ADARB2: variants seen among roughly 807,000 people sequenced by gnomAD.
ADARB2 encodes the protein adenosine deaminase RNA specific B2 (inactive), also known as inactive double-stranded RNA-specific editase B2.
ADARB2 carries 25 observed loss-of-function variants against 62.2 expected under a neutral mutation model. The ratio of observed to expected loss-of-function variants is 0.40; its 90% CI spans 0.29 to 0.56. The LOEUF (loss-of-function observed/expected upper bound fraction) is 0.56. Among genes scored for constraint, ADARB2 ranks in the 20% least tolerant of loss-of-function variants. ADARB2 has a pLI of 0.43. For missense variants in ADARB2, 1,071 were observed against 1,077.4 expected (o/e 0.99, Z 0.08); for synonymous variants, 572 against 500.8 (o/e 1.14, Z -1.90).
chr10:1,484,645 A>G (rs1427059167), intron 1 of ADARB2, among the ~76,000 whole-genome samples: 1 of 152,194 alleles, frequency 6.6e-6, no homozygotes, highest in Non-Finnish European at 1.5e-5. Flanking sequence ...AGCTACACTC[A>G]TTGCCTTTCT....
intron 1 of ADARB2, among the ~76,000 whole-genome samples, chr10:1,677,947 A>T (rs1834487848): frequency 6.6e-6 from 1 of 152,184 alleles, no homozygotes; most frequent in Non-Finnish European, 1.5e-5. Context: ...ATGTCTTTTC[A>T]CAGATAGCAG....
intron 1 of ADARB2, among the ~76,000 whole-genome samples, chr10:1,688,344 G>A (rs1025637081): frequency 6.6e-6 from 1 of 152,330 alleles, no homozygotes; most frequent in South Asian, 2.1e-4. Flanking sequence ...GGACATCCTC[G>A]TTGCTGCCCT....
intron 4 of ADARB2, among the ~76,000 whole-genome samples, chr10:1,246,993 T>G (rs929614497): frequency 3.3e-4 from 51 of 152,256 alleles, no homozygotes; most frequent in African/African-American, 1.2e-3. Context: ...TTTGTTTGTA[T>G]CCTCCTTTAT....
intron 1 of ADARB2, among the ~76,000 whole-genome samples, chr10:1,725,239 G>A (rs1456883343): frequency 2.0e-5 from 3 of 152,110 alleles, no homozygotes; most frequent in Non-Finnish European, 4.4e-5. Context: ...TATTTTGCCT[G>A]GAATGTGAGT....
chr10:1,616,243 A>C (rs1833631240), intron 1 of ADARB2, among the ~76,000 whole-genome samples: 1 of 152,240 alleles, frequency 6.6e-6, no homozygotes, highest in Non-Finnish European at 1.5e-5. Context: ...GATTGAAATC[A>C]TCATTCAAAA....
At chr10:1,467,719 C>T (rs926374199) in intron 1 of ADARB2, among the ~76,000 whole-genome samples, 1 of 152,224 alleles carries the variant, frequency 6.6e-6, no homozygotes, top group African/African-American at 2.4e-5. Context: ...AGGGCCGGCA[C>T]ACCCTGCTCT....
At chr10:1,259,852 G>A (rs1831117168) in intron 4 of ADARB2, among the ~76,000 whole-genome samples, 1 of 152,166 alleles carries the variant, frequency 6.6e-6, no homozygotes, top group Admixed American at 6.5e-5. Context: ...AACAAAAAAA[G>A]AGAATTTTAG....
intron 1 of ADARB2, among the ~76,000 whole-genome samples, chr10:1,471,022 G>T (rs983068373): frequency 6.6e-6 from 1 of 152,142 alleles, no homozygotes; most frequent in African/African-American, 2.4e-5. Context: ...TGGCGCCACT[G>T]CACTCCAGCC....
intron 1 of ADARB2, chr10:1,675,139 T>A (rs1834449199): frequency 1.0e-6 from 1 of 981,756 alleles, no homozygotes. Flanking sequence ...GTTCTGGAGG[T>A]TTAGGTTCAG....
intron 1 of ADARB2, among the ~76,000 whole-genome samples, chr10:1,616,639 G>GTGCCCGTCC (rs1564348170): frequency 1.6e-5 from 2 of 121,388 alleles, no homozygotes; most frequent in African/African-American, 7.1e-5. Context: ...AGATGTTTGT[G>GTGCCCGTCC]TGCCCGTCCA....
chr10:1,354,890 G>A (rs1404075785), intron 3 of ADARB2, among the ~76,000 whole-genome samples: 8 of 152,222 alleles, frequency 5.3e-5, no homozygotes, highest in Non-Finnish European at 1.2e-4. Context: ...TGCTTACAGA[G>A]CCACCTTCCC....
intron 1 of ADARB2, among the ~76,000 whole-genome samples, chr10:1,629,915 G>GTGAGGAGGGGGGAGCC (rs1432448653): frequency 6.6e-6 from 1 of 152,064 alleles, no homozygotes; most frequent in African/African-American, 2.4e-5. Flanking sequence ...GGAAGGGAGC[G>GTGAGGAGGGGGGAGCC]TGAGGAGGGA....
At chr10:1,576,176 C>A in intron 1 of ADARB2, among the ~76,000 whole-genome samples, 1 of 143,902 alleles carries the variant, frequency 6.9e-6, no homozygotes, top group African/African-American at 2.6e-5. Context: ...GGTTCAGGGT[C>A]ACAGGACAGG....
intron 4 of ADARB2, among the ~76,000 whole-genome samples, chr10:1,267,117 C>A: frequency 6.7e-6 from 1 of 148,502 alleles, no homozygotes; most frequent in Non-Finnish European, 1.5e-5. Flanking sequence ...CACACCTAAA[C>A]ATATTCTTAA....
chr10:1,362,341 G>T (rs1338183482), intron 3 of ADARB2, among the ~76,000 whole-genome samples: 1 of 152,236 alleles, frequency 6.6e-6, no homozygotes, highest in Non-Finnish European at 1.5e-5. Flanking sequence ...TGCTTTTGTT[G>T]CTTCGTTCTT....
intron 1 of ADARB2, among the ~76,000 whole-genome samples, chr10:1,576,039 C>CCTATT (rs1564335471): frequency 4.0e-4 from 8 of 19,844 alleles, no homozygotes; most frequent in Admixed American, 6.2e-4. Flanking sequence ...GGCCACTCGG[C>CCTATT]GGGGGGGTCA....
rs1016973395 is a variant in ADARB2, at chr10:1,514,289, C to A, written c.101-135129G>T. ...GACTCCTGAATGTTCAGAAGGACGG[C>A]TCTGACGCTTTGGGACAGTAGTCGG... On this transcript the variant is annotated intron_variant, in intron 1 of 9. Coordinates refer to ENST00000381312, the MANE Select transcript of ADARB2 (RefSeq NM_018702.4). 5.3e-5 allele frequency among the ~76,000 whole-genome samples: 8 copies of A among 150,750 alleles called. No individual in the cohort carries two copies. The Admixed American group carries it at 5.3e-4, about 10-fold the overall frequency.
intron 1 of ADARB2, among the ~76,000 whole-genome samples, chr10:1,450,788 C>A (rs1831027038): frequency 6.6e-6 from 1 of 152,192 alleles, no homozygotes; most frequent in Admixed American, 6.5e-5. Flanking sequence ...AGGAGCATGC[C>A]TTGGTGTTGT....
intron 1 of ADARB2, among the ~76,000 whole-genome samples, chr10:1,727,816 T>A (rs1406693433): frequency 6.6e-6 from 1 of 152,216 alleles, no homozygotes; most frequent in African/African-American, 2.4e-5. Flanking sequence ...CTCCTTTTGC[T>A]CATGTCATTG....
Sources: gnomAD v4.1 joint callset for allele counts (sites outside exome capture counted in the v4.1 genomes callset) on GRCh38, gnomAD v4.1.1 for gene constraint, MANE v1.5 for transcripts, NCBI Gene and HGNC (gene_info 2026-07-23, HGNC 2026-07-21) for gene names.